Variants in FCHSD2 observed in about 807,000 individuals in gnomAD.
FCHSD2 encodes the protein FCH and double SH3 domains 2, also known as F-BAR and double SH3 domains protein 2.
Under a neutral mutation model 108.1 loss-of-function variants are expected in FCHSD2, and 38 were observed. That is an observed-to-expected ratio of 0.35 (90% CI 0.27 to 0.46). The LOEUF is 0.46. Among genes scored for constraint, FCHSD2 ranks in the 20% least tolerant of loss-of-function variants. The pLI, the probability that FCHSD2 is intolerant of heterozygous loss-of-function variation, is 1.00. For synonymous variants in FCHSD2, 279 were observed against 314.7 expected, an observed-to-expected ratio of 0.89 and a Z score of 1.20; for missense variants, 751 against 897.8, an observed-to-expected ratio of 0.84 and a Z score of 2.09.
In FCHSD2 at chr11:72,838,803, G is replaced by C; in HGVS notation, c.2211C>G (p.Ile737Met). The C allele has an allele frequency of 3.7e-6, 6 of 1,603,680 alleles. No individual in the cohort carries two copies. Among genetic ancestry groups the C allele is most frequent in the Non-Finnish European group, 5.1e-6 (6 of 1,176,242 alleles). Residue 737 changes from isoleucine (I) to methionine (M), a missense_variant, in exon 20 of 20, where the codon ATC (isoleucine) becomes ATG (methionine). Ile to Met is a conservative substitution (Grantham distance 10, BLOSUM62 1). Transcript: ENST00000409418. ...GGCAAGCCCATCATCACACCAGTGT[G>C]ATTTCCACATCTTCAATCTTCTCTG... ...RPAEKIEDVEITLV is the reference protein window; with the variant it reads ...RPAEKIEDVEMTLV
At chr11:72,890,030 C>CACTT in intron 10 of FCHSD2, 85 bp from the exon 11 acceptor site, 1 of 782,462 alleles carries the variant, frequency 1.3e-6, no homozygotes, top group Non-Finnish European at 2.1e-6. Flanking sequence ...AGAAGGCCTT[C>CACTT]ACTTAATCAG....
chr11:73,076,452 T>C (rs1465636447), intron 3 of FCHSD2, among the ~76,000 whole-genome samples: 2 of 152,108 alleles, frequency 1.3e-5, no homozygotes, highest in Non-Finnish European at 2.9e-5. Flanking sequence ...AAAGGAGACA[T>C]ACCATATGAT....
intron 4 of FCHSD2, among the ~76,000 whole-genome samples, chr11:73,010,663 T>C (rs1412489794): frequency 6.6e-6 from 1 of 152,166 alleles, no homozygotes; most frequent in Non-Finnish European, 1.5e-5. Context: ...ACAGTGTCAG[T>C]GGTGTTTGTA....
intron 2 of FCHSD2, among the ~76,000 whole-genome samples, chr11:73,104,421 C>A (rs939091721): frequency 1.3e-5 from 2 of 152,122 alleles, no homozygotes; most frequent in South Asian, 4.1e-4. Flanking sequence ...AGACGCACAC[C>A]ACCATGCCTG....
chr11:72,900,655 T>C lies in FCHSD2; in HGVS notation c.924+1888A>G, dbSNP rs113673316. On this transcript the variant is annotated intron_variant, in intron 10 of 19. Coordinates refer to ENST00000409418, the MANE Select transcript of FCHSD2 (RefSeq NM_014824.3). The stretch of plus-strand genomic sequence containing the variant: ...ATCACAGGAGAATGTGAATAAGTCA[T>C]TGGCAAAAGCTGATTTGATTAAAAA... Among the ~76,000 whole-genome samples the C allele has an allele frequency of 7.1e-5, 10 of 140,510 alleles. No homozygotes were observed. The East Asian group carries it at 1.3e-3, about 18-fold the overall frequency. The allele number at this position is 140,510 out of a possible 152,430, so 92.2% of individuals were successfully genotyped here.
At chr11:73,096,338 C>T (rs539275786) in intron 2 of FCHSD2, among the ~76,000 whole-genome samples, 75 of 135,764 alleles carry the variant, frequency 5.5e-4, no homozygotes, top group African/African-American at 2.0e-3. Flanking sequence ...GTCAGGAGTT[C>T]GAGACCAGCC....
At chr11:73,121,184 C>A (rs972097688) in intron 2 of FCHSD2, among the ~76,000 whole-genome samples, 2 of 152,050 alleles carry the variant, frequency 1.3e-5, no homozygotes, top group Non-Finnish European at 2.9e-5. Flanking sequence ...TACACACACA[C>A]ACACACACGC....
intron 3 of FCHSD2, among the ~76,000 whole-genome samples, chr11:73,063,031 C>T (rs2135489909): frequency 6.6e-6 from 1 of 152,192 alleles, no homozygotes; most frequent in South Asian, 2.1e-4. Context: ...TTAAGGGTAG[C>T]CAGAGAGAAA....
At chr11:73,059,667 G>A (rs757161415) in intron 3 of FCHSD2, among the ~76,000 whole-genome samples, 1 of 152,136 alleles carries the variant, frequency 6.6e-6, no homozygotes, top group Non-Finnish European at 1.5e-5. Context: ...ATGAAGTCCT[G>A]AGAAACCGGC....
intron 10 of FCHSD2, among the ~76,000 whole-genome samples, chr11:72,895,923 T>C (rs1271907493): frequency 6.6e-6 from 1 of 152,170 alleles, no homozygotes; most frequent in Non-Finnish European, 1.5e-5. Flanking sequence ...ACAAAATTTC[T>C]ACAAGCAGAA....
chr11:72,928,368 C>G (rs571204644), intron 8 of FCHSD2, among the ~76,000 whole-genome samples: 1 of 152,176 alleles, frequency 6.6e-6, no homozygotes, highest in African/African-American at 2.4e-5. Flanking sequence ...TTAGCACCAT[C>G]TCTCATCACT....
At chr11:72,947,288 C>T (rs944563102) in intron 8 of FCHSD2, among the ~76,000 whole-genome samples, 1 of 152,208 alleles carries the variant, frequency 6.6e-6, no homozygotes, top group Non-Finnish European at 1.5e-5. Context: ...AGTTTGAACT[C>T]TTCTTATCCA....
chr11:73,051,344 C>T (rs1311689460), intron 3 of FCHSD2, among the ~76,000 whole-genome samples: 6 of 152,008 alleles, frequency 3.9e-5, no homozygotes, highest in Non-Finnish European at 8.8e-5. Flanking sequence ...AAATTTAAAT[C>T]TGAGAAAATG....
In FCHSD2 at chr11:72,849,830, GA is replaced by G; in HGVS notation, c.1367del (p.Phe456SerfsTer12). 1.2e-6 allele frequency: 2 copies of G among 1,612,612 alleles called. No homozygotes were observed. Among genetic ancestry groups the G allele is most frequent in the Non-Finnish European group, 1.7e-6 (2 of 1,178,726 alleles). On this transcript the variant is annotated frameshift_variant, in exon 14 of 20. Coordinates refer to ENST00000409418, the MANE Select transcript of FCHSD2 (RefSeq NM_014824.3). LOFTEE classifies it high-confidence loss of function. ...GEEFEDNMDV[F>X]DDSSSSPSGT... ...CAGAAGGGCTGGAACTGCTGTCATC[GA>G]AAACATCCATGTTATCTTCAAACTC... is the stretch of plus-strand genomic sequence containing the variant.
At chr11:73,121,448 G>T (rs1860732634) in intron 2 of FCHSD2, among the ~76,000 whole-genome samples, 1 of 152,026 alleles carries the variant, frequency 6.6e-6, no homozygotes, top group Non-Finnish European at 1.5e-5. Flanking sequence ...AACTTTAAAA[G>T]AATAAAAAAT....
chr11:72,896,909 C>G (rs1229375695), intron 10 of FCHSD2, among the ~76,000 whole-genome samples: 1 of 151,956 alleles, frequency 6.6e-6, no homozygotes, highest in East Asian at 1.9e-4. Flanking sequence ...TCACTGCAAG[C>G]CCCGCCTCCC....
chr11:73,085,139 G>A (rs1354476848), intron 2 of FCHSD2, among the ~76,000 whole-genome samples: 2 of 152,180 alleles, frequency 1.3e-5, no homozygotes, highest in East Asian at 3.9e-4. Flanking sequence ...ATAACAAACG[G>A]AAGAAGTTTC....
chr11:72,921,873 T>C lies in FCHSD2; in HGVS notation c.783A>G (p.Gln261=). Residue 261 remains glutamine (Q), a synonymous_variant, in exon 9 of 20, where the codon CAA becomes CAG. Transcript: ENST00000409418. Reference sequence around the variant, plus strand: ...AAAACTGGAATGTGTTCTGCACAGCTTGGCATGTTTCTAGCTCAGTCCGGC... The same window carrying C: ...AAAACTGGAATGTGTTCTGCACAGCCTGGCATGTTTCTAGCTCAGTCCGGC... ...AFSRTELETC[Q]AVQNTFQFLL... The C allele has an allele frequency of 6.2e-7, 1 of 1,609,952 alleles. No individual in the cohort carries two copies. The highest frequency in any genetic ancestry group is 1.1e-5 in the South Asian group (1 of 90,316).
chr11:73,061,841 TG>T (rs1243313448), intron 3 of FCHSD2, among the ~76,000 whole-genome samples: 1 of 152,128 alleles, frequency 6.6e-6, no homozygotes, highest in Non-Finnish European at 1.5e-5. Flanking sequence ...CCCATCTCCC[TG>T]GGACAGAGCA....
Sources: allele counts gnomAD v4.1 joint callset (sites outside exome capture counted in the v4.1 genomes callset), GRCh38; gene constraint gnomAD v4.1.1; transcripts MANE v1.5; gene names NCBI Gene and HGNC (gene_info 2026-07-23, HGNC 2026-07-21).